The following CPEB4 variants were observed in gnomAD, a reference collection of about 807,000 sequenced individuals.
CPEB4 encodes cytoplasmic polyadenylation element-binding protein 4.
A neutral mutation model predicts 72.5 loss-of-function variants in CPEB4; 12 were observed. That is an observed-to-expected ratio of 0.17 (90% CI 0.11 to 0.27). The LOEUF (loss-of-function observed/expected upper bound fraction) is 0.27. Ranked by LOEUF, CPEB4 falls within the 10% of genes least tolerant of loss-of-function variation. CPEB4 has a pLI of 1.00. For synonymous variants in CPEB4, 302 were observed against 326.3 expected, an observed-to-expected ratio of 0.93 and a Z score of 0.80; for missense variants, 614 against 908.5, an observed-to-expected ratio of 0.68 and a Z score of 4.17.
chr5:173,903,540 T>G lies in CPEB4; in HGVS notation c.1126-6983T>G, dbSNP rs116022384. ...ACACGACCCATGCTGAATGAGACTG[T>G]GGGGATGGACCCAGTAATCTGTATT... is the stretch of plus-strand genomic sequence containing the variant. On this transcript the variant is annotated intron_variant, in intron 1 of 9. Coordinates refer to ENST00000265085, the MANE Select transcript of CPEB4 (RefSeq NM_030627.4). 8.9e-3 allele frequency among the ~76,000 whole-genome samples: 1,351 copies of G among 152,322 alleles called. 6 individuals carry two copies. The highest frequency in any genetic ancestry group is 0.044 in the Middle Eastern group (13 of 294).
At chr5:173,920,861 A>T (rs1174204063) in intron 2 of CPEB4, among the ~76,000 whole-genome samples, 1 of 152,224 alleles carries the variant, frequency 6.6e-6, no homozygotes. Flanking sequence ...CAGAGATCAG[A>T]TTTAGTCGGT....
chr5:173,934,177 C>A (rs543197880), intron 3 of CPEB4, among the ~76,000 whole-genome samples: 36 of 152,084 alleles, frequency 2.4e-4, no homozygotes, highest in African/African-American at 8.2e-4. Flanking sequence ...AGAGTGACAC[C>A]CTGCCTCAAA....
chr5:173,924,041 A>C (rs1757160102), intron 2 of CPEB4, among the ~76,000 whole-genome samples: 1 of 152,110 alleles, frequency 6.6e-6, no homozygotes, highest in East Asian at 1.9e-4. Flanking sequence ...GCAGCTTCGC[A>C]CCTGCCCCGA....
At chr5:173,952,045 T>C in intron 8 of CPEB4, 107 bp downstream of exon 8, 1 of 731,858 alleles carries the variant, frequency 1.4e-6, no homozygotes. Flanking sequence ...AGAGTGAGAG[T>C]TCTAGAATCA....
intron 1 of CPEB4, among the ~76,000 whole-genome samples, chr5:173,909,620 G>A (rs967479973): frequency 1.3e-5 from 2 of 152,030 alleles, no homozygotes; most frequent in Admixed American, 6.6e-5. Flanking sequence ...AATCTTCAGA[G>A]AAGGCAAATC....
intron 3 of CPEB4, among the ~76,000 whole-genome samples, chr5:173,939,388 G>C (rs1033068075): frequency 3.3e-5 from 5 of 151,964 alleles, no homozygotes; most frequent in African/African-American, 1.2e-4. Context: ...CCACCTACTA[G>C]GTGTTTCTTC....
chr5:173,933,918 G>A (rs1757529918), intron 3 of CPEB4, among the ~76,000 whole-genome samples: 1 of 152,126 alleles, frequency 6.6e-6, no homozygotes, highest in Non-Finnish European at 1.5e-5. Flanking sequence ...GGAAAAAAAA[G>A]CCACCTGTAA....
intron 2 of CPEB4, among the ~76,000 whole-genome samples, chr5:173,922,136 G>A (rs1050669720): frequency 6.6e-6 from 1 of 152,170 alleles, no homozygotes. Context: ...TTATTGTGTA[G>A]CCTCTGAGAA....
At position 173,960,833 on chromosome 5, in the gene CPEB4, T is replaced by C. The variant is rs1422863847; in HGVS notation, c.*4696T>C. On this transcript the variant is annotated 3_prime_UTR_variant, in exon 10 of 10. Coordinates refer to ENST00000265085, the MANE Select transcript of CPEB4 (RefSeq NM_030627.4). Reference sequence around the variant, plus strand: ...TCATAGGATACGGTGTGTGGGATTATAATCTCTATGGCATGTCAATTGAAA... The same window carrying C: ...TCATAGGATACGGTGTGTGGGATTACAATCTCTATGGCATGTCAATTGAAA... The C allele has an allele frequency of 6.6e-6, 1 of 152,240 alleles. No homozygotes were observed. The highest frequency in any genetic ancestry group is 1.9e-4 in the East Asian group (1 of 5,196). 9.4% of individuals were successfully genotyped at this position (152,240 alleles called of 1,614,324 possible). A position where few individuals can be genotyped will look rare whatever the true frequency, so the allele number is the denominator to read the frequency against.
At chr5:173,894,320 A>G (rs1755923354) in intron 1 of CPEB4, among the ~76,000 whole-genome samples, 1 of 152,132 alleles carries the variant, frequency 6.6e-6, no homozygotes, top group South Asian at 2.1e-4. Flanking sequence ...TAATATGCAT[A>G]TAATAATAGC....
At chr5:173,914,121 A>T (rs1756777988) in intron 2 of CPEB4, among the ~76,000 whole-genome samples, 2 of 152,220 alleles carry the variant, frequency 1.3e-5, no homozygotes, top group Admixed American at 6.5e-5. Context: ...AAAATGCCAG[A>T]TTATAGTTAC....
rs1327075624 is a variant in CPEB4 at position 173,957,136 on chromosome 5, AAAC to A, written c.*1007_*1009del. The A allele has an allele frequency of 4.6e-5, 7 of 152,784 alleles. No homozygotes were observed. The highest frequency in any genetic ancestry group is 9.6e-5 in the African/African-American group (4 of 41,464). The allele number at this position is 152,784 out of a possible 1,614,324, so 9.5% of individuals were successfully genotyped here. A position where few individuals can be genotyped will look rare whatever the true frequency, so the allele number is the denominator to read the frequency against. On this transcript the variant is annotated 3_prime_UTR_variant, in exon 10 of 10. Transcript: ENST00000265085. The stretch of plus-strand genomic sequence containing the variant: ...CTTTGCTCTCCATTTTGACGTTAAA[AAAC>A]AACAACAGATCTAGAGATACCTCAA...
chr5:173,902,628 G>A (rs1756277294), intron 1 of CPEB4, among the ~76,000 whole-genome samples: 1 of 152,176 alleles, frequency 6.6e-6, no homozygotes, highest in Non-Finnish European at 1.5e-5. Flanking sequence ...GATGGGTGAT[G>A]TAGATCTCAT....
chr5:173,898,216 A>G (rs1756095572), intron 1 of CPEB4, among the ~76,000 whole-genome samples: 1 of 152,194 alleles, frequency 6.6e-6, no homozygotes, highest in Non-Finnish European at 1.5e-5. Flanking sequence ...GTAACAATTT[A>G]AATAATAGTT....
Position 173,949,990 on chromosome 5 carries a change from G to A in CPEB4, c.1577G>A (p.Ser526Asn), listed in dbSNP as rs1389097900. ...GCATTCCTGCTGTTTCAAGATGAAA[G>A]CTCTGTGCAGGCTCTCATTGATGCA... ...GYAFLLFQDE[S>N]SVQALIDACI... The change falls in exon 7 of 10, where the codon AGC (serine) becomes AAC (asparagine). Residue 526 changes from serine (S) to asparagine (N), a missense_variant. By Grantham distance (46) the Ser-to-Asn change is conservative. This residue lies in a region of CPEB4 where 23 missense variants were observed against 21.8 expected (regional missense o/e 1.05). Coordinates refer to ENST00000265085, the MANE Select transcript of CPEB4 (RefSeq NM_030627.4). The A allele has an allele frequency of 6.2e-7, 1 of 1,610,764 alleles. No individual in the cohort carries two copies.
chr5:173,911,188 A>G (rs963150191), intron 2 of CPEB4, among the ~76,000 whole-genome samples: 2 of 152,074 alleles, frequency 1.3e-5, no homozygotes, highest in Admixed American at 1.3e-4. Context: ...CTTCACCTTT[A>G]TAAAGACGTA....
intron 1 of CPEB4, among the ~76,000 whole-genome samples, chr5:173,895,041 A>G (rs1581106276): frequency 6.6e-6 from 1 of 152,206 alleles, no homozygotes; most frequent in South Asian, 2.1e-4. Context: ...GCACTGGGCT[A>G]GGTGCTTTCA....
intron 1 of CPEB4, among the ~76,000 whole-genome samples, chr5:173,897,355 AAG>A (rs1416668818): frequency 6.6e-6 from 1 of 152,214 alleles, no homozygotes; most frequent in African/African-American, 2.4e-5. Context: ...ATTTTTCAGT[AAG>A]AGATATGAAA....
chr5:173,909,555 G>A (rs911480242), intron 1 of CPEB4, among the ~76,000 whole-genome samples: 10 of 151,664 alleles, frequency 6.6e-5, no homozygotes. Flanking sequence ...CATGATTTTT[G>A]GAAGGAAGGA....
Sources: allele counts gnomAD v4.1 joint callset (sites outside exome capture counted in the v4.1 genomes callset), GRCh38; gene constraint gnomAD v4.1.1; regional missense constraint gnomAD v4.1.1; transcripts MANE v1.5; gene names NCBI Gene and HGNC (gene_info 2026-07-23, HGNC 2026-07-21).